The following PLEKHG3 variants were observed in gnomAD, a reference collection of about 807,000 sequenced individuals.
The protein encoded by PLEKHG3 is pleckstrin homology and RhoGEF domain containing G3, also known as pleckstrin homology domain-containing family G member 3.
A neutral mutation model predicts 94.9 loss-of-function variants in PLEKHG3; 62 were observed. The observed-to-expected ratio is 0.65, with a 90% CI of 0.53 to 0.81. PLEKHG3 has a LOEUF of 0.81. Ranked by LOEUF, PLEKHG3 falls within the 30% of genes least tolerant of loss-of-function variation. The pLI is 0.00. For synonymous variants in PLEKHG3, 614 were observed against 654.0 expected (o/e 0.94, Z 0.93); for missense variants, 1,461 against 1,619.3 (o/e 0.90, Z 1.68).
rs966176262 is a variant in PLEKHG3 at position 64,708,138 on chromosome 14, G to A, written c.-40+3434G>A. ...TGGCAAAAACTTTCTGGTTAGGGAG[G>A]CTTTCCTGCCCTACCCTAGATTGCA... On this transcript the variant is annotated intron_variant, in intron 1 of 16. Transcript: ENST00000247226. 7.2e-5 allele frequency among the ~76,000 whole-genome samples: 11 copies of A among 152,310 alleles called. No individual in the cohort carries two copies. In the East Asian group the frequency reaches 2.1e-3, roughly 29 times the overall value.
chr14:64,708,625 A>C (rs1021837254), intron 1 of PLEKHG3, among the ~76,000 whole-genome samples: 1 of 152,130 alleles, frequency 6.6e-6, no homozygotes, highest in Non-Finnish European at 1.5e-5. Flanking sequence ...GCTTCTACCC[A>C]GCTGATCTGC....
Position 64,728,853 on chromosome 14 carries a change from A to AG in PLEKHG3, c.352-143_352-142insG. 2.0e-6 allele frequency: 1 copy of AG among 510,586 alleles called. No individual in the cohort carries two copies. The highest frequency in any genetic ancestry group is 3.5e-6 in the Non-Finnish European group (1 of 285,570). The allele number at this position is 510,586 out of a possible 1,614,324, so 31.6% of individuals were successfully genotyped here. A position where few individuals can be genotyped will look rare whatever the true frequency, so the allele number is the denominator to read the frequency against. On this transcript the variant is annotated intron_variant, in intron 2 of 16. Coordinates refer to ENST00000247226, the MANE Select transcript of PLEKHG3 (RefSeq NM_001308147.2). This position sits in a 1 kb window ranked among gnomAD's most constrained non-coding sequence, Gnocchi z 5.9. ...TCACATTCTGGGGTTCCAAGTGGAC[A>AG]TGAATTTTGGGGTGGACACTGTCTC...
At chr14:64,742,513 A>G (rs546530048) in intron 16 of PLEKHG3, 58 bp downstream of exon 16, 21 of 1,319,002 alleles carry the variant, frequency 1.6e-5, no homozygotes, top group Non-Finnish European at 2.1e-5. Flanking sequence ...AGAGTCAATA[A>G]GGAGCCACTT....
In PLEKHG3 at chr14:64,717,192, T is replaced by C. The variant is rs559962860; in HGVS notation, c.-39-10401T>C. ...TTGGAAAATCCACTTTCCTAACTTC[T>C]CTGGGTCAGGCACCAAGCCCAAGGT... On this transcript the variant is annotated intron_variant, in intron 1 of 16. Transcript: ENST00000247226. The surrounding 1 kb of genome is among the most constrained non-coding windows in gnomAD (Gnocchi z 4.7). Among the ~76,000 whole-genome samples the C allele has an allele frequency of 1.3e-5, 2 of 152,130 alleles. No individual in the cohort carries two copies. The highest frequency in any genetic ancestry group is 3.9e-4 in the East Asian group (2 of 5,172).
In PLEKHG3 at chr14:64,731,768, A is replaced by T; in HGVS notation, c.1087A>T (p.Thr363Ser). Residue 363 changes from threonine (T) to serine (S), a missense_variant, in exon 9 of 17, where the codon ACC becomes TCC. Physicochemically the swap from Thr to Ser is moderately conservative, Grantham distance 58. Coordinates refer to ENST00000247226, the MANE Select transcript of PLEKHG3 (RefSeq NM_001308147.2). This position sits in a 1 kb window ranked among gnomAD's most constrained non-coding sequence, Gnocchi z 6.1. ...CAGAGACTCCCTGTGCTTCACTGTC[A>T]CCCACTACAAGCACAGCAAGCAGCA... The part of the protein sequence containing the change: ...STRDSLCFTV[T>S]HYKHSKQQYS... 1 of 1,613,540 alleles carries T rather than the reference A, an allele frequency of 6.2e-7. No homozygotes were observed. Among genetic ancestry groups the T allele is most frequent in the Non-Finnish European group, 8.5e-7 (1 of 1,179,750 alleles).
chr14:64,730,750 C>T lies in PLEKHG3; in HGVS notation c.567-49C>T, dbSNP rs779965780. 2 of 1,612,540 alleles carry T rather than the reference C, an allele frequency of 1.2e-6. No individual in the cohort carries two copies. Among genetic ancestry groups the T allele is most frequent in the African/African-American group, 1.3e-5 (1 of 74,894 alleles). ...TGGTGAGTCCAGAGCCCCCCACTTC[C>T]TCATCCAGGCCTTCCCCAGGTGGTG... is the stretch of plus-strand genomic sequence containing the variant. On this transcript the variant is annotated intron_variant, in intron 5 of 16. Coordinates refer to ENST00000247226, the MANE Select transcript of PLEKHG3 (RefSeq NM_001308147.2). This position sits in a 1 kb window ranked among gnomAD's most constrained non-coding sequence, Gnocchi z 5.4.
chr14:64,740,811 T>G (rs1224511060), intron 15 of PLEKHG3, among the ~76,000 whole-genome samples: 1 of 152,242 alleles, frequency 6.6e-6, no homozygotes, highest in Admixed American at 6.5e-5. Context: ...TCCTTGGTTT[T>G]GAGGACATGG....
Position 64,723,486 on chromosome 14 carries a change from C to T in PLEKHG3, c.-39-4107C>T, listed in dbSNP as rs974307038. ...CAAAGAAGGTTTCACAAGTATAGGA[C>T]TTGAGAAAGAGTTTTCTTTTTTCTT... On this transcript the variant is annotated intron_variant, in intron 1 of 16. Coordinates refer to ENST00000247226, the MANE Select transcript of PLEKHG3 (RefSeq NM_001308147.2). This position sits in a 1 kb window ranked among gnomAD's most constrained non-coding sequence, Gnocchi z 4.5. Among the ~76,000 whole-genome samples the T allele has an allele frequency of 5.4e-5, 8 of 147,852 alleles. No homozygotes were observed. Among genetic ancestry groups the T allele is most frequent in the Admixed American group, 1.3e-4 (2 of 15,076 alleles).
At position 64,732,726 on chromosome 14, in the gene PLEKHG3, C is replaced by A; in HGVS notation, c.1247-77C>A. Reference sequence around the variant, plus strand: ...GAGCTGGGTGGGTATAGAGGTCTGGCTGGTTATGGACAGGGTCTAGGGTAG... The same window carrying A: ...GAGCTGGGTGGGTATAGAGGTCTGGATGGTTATGGACAGGGTCTAGGGTAG... On this transcript the variant is annotated intron_variant, in intron 11 of 16. Transcript: ENST00000247226. The surrounding 1 kb of genome is among the most constrained non-coding windows in gnomAD (Gnocchi z 4.9). 5 of 1,127,914 alleles carry A rather than the reference C, an allele frequency of 4.4e-6. No homozygotes were observed. The highest frequency in any genetic ancestry group is 2.5e-5 in the East Asian group (1 of 39,306). The allele number at this position is 1,127,914 out of a possible 1,614,324, so 69.9% of individuals were successfully genotyped here. A position where few individuals can be genotyped will look rare whatever the true frequency, so the allele number is the denominator to read the frequency against.
rs1203788323 is a variant in PLEKHG3 at position 64,717,029 on chromosome 14, G to C, written c.-39-10564G>C. Among the ~76,000 whole-genome samples the C allele has an allele frequency of 6.6e-6, 1 of 152,204 alleles. No homozygotes were observed. The highest frequency in any genetic ancestry group is 1.5e-5 in the Non-Finnish European group (1 of 68,040). Reference sequence around the variant, plus strand: ...GATGGGGGAAGGAGCTATGGGTAGAGAGGGGCCCCCTGGGCCCTGTAGGAT... The same window carrying C: ...GATGGGGGAAGGAGCTATGGGTAGACAGGGGCCCCCTGGGCCCTGTAGGAT... On this transcript the variant is annotated intron_variant, in intron 1 of 16. Coordinates refer to ENST00000247226, the MANE Select transcript of PLEKHG3 (RefSeq NM_001308147.2). The surrounding 1 kb of genome is among the most constrained non-coding windows in gnomAD (Gnocchi z 4.7).
In PLEKHG3 at chr14:64,716,163, C is replaced by T. The variant is rs2081141752; in HGVS notation, c.-39-11430C>T. Reference sequence around the variant, plus strand: ...GATGGGGACTCTTTCAACTCCGGGCCTCTAAGCCTTGCCGGACTTCCCCCA... The same window carrying T: ...GATGGGGACTCTTTCAACTCCGGGCTTCTAAGCCTTGCCGGACTTCCCCCA... On this transcript the variant is annotated intron_variant, in intron 1 of 16. Coordinates refer to ENST00000247226, the MANE Select transcript of PLEKHG3 (RefSeq NM_001308147.2). The surrounding 1 kb of genome is among the most constrained non-coding windows in gnomAD (Gnocchi z 5.0). 1 of 405,316 alleles carries T rather than the reference C, an allele frequency of 2.5e-6. No individual in the cohort carries two copies. The highest frequency in any genetic ancestry group is 5.0e-6 in the Non-Finnish European group (1 of 201,034). The allele number at this position is 405,316 out of a possible 1,614,324, so 25.1% of individuals were successfully genotyped here. A position where few individuals can be genotyped will look rare whatever the true frequency, so the allele number is the denominator to read the frequency against.
At chr14:64,711,782 C>T (rs1268290801) in intron 1 of PLEKHG3, among the ~76,000 whole-genome samples, 1 of 152,142 alleles carries the variant, frequency 6.6e-6, no homozygotes, top group Admixed American at 6.5e-5. Flanking sequence ...TTTTCCCATT[C>T]TGTGATTTGT....
Position 64,718,675 on chromosome 14 carries a change from G to A in PLEKHG3, c.-39-8918G>A, listed in dbSNP as rs2081211589. ...AGGGTAGTTTGGAGGAGTGCTGGCT[G>A]TAGTCCCTGGGCTCTTTCATACACA... On this transcript the variant is annotated intron_variant, in intron 1 of 16. Transcript: ENST00000247226. The surrounding 1 kb of genome is among the most constrained non-coding windows in gnomAD (Gnocchi z 5.0). 6.6e-6 allele frequency among the ~76,000 whole-genome samples: 1 copy of A among 152,192 alleles called. No homozygotes were observed. The highest frequency in any genetic ancestry group is 2.1e-4 in the South Asian group (1 of 4,832).
In PLEKHG3 at chr14:64,747,141, G is replaced by T. The variant is rs1178282786; in HGVS notation, c.*3438G>T. On this transcript the variant is annotated 3_prime_UTR_variant, in exon 17 of 17. Coordinates refer to ENST00000247226, the MANE Select transcript of PLEKHG3 (RefSeq NM_001308147.2). ...TTCCACTAGAGCCCTTCCTTTCTCG[G>T]GTCTGTGGAGTTGCTTGCTGGAAAT... 1 of 152,556 alleles carries T rather than the reference G, an allele frequency of 6.6e-6. No homozygotes were observed. The highest frequency in any genetic ancestry group is 2.4e-5 in the African/African-American group (1 of 41,456). The allele number at this position is 152,556 out of a possible 1,614,324, so 9.5% of individuals were successfully genotyped here. A position where few individuals can be genotyped will look rare whatever the true frequency, so the allele number is the denominator to read the frequency against.
At position 64,709,867 on chromosome 14, in the gene PLEKHG3, GT is replaced by G. The variant is rs200295564; in HGVS notation, c.-40+5165del. On this transcript the variant is annotated intron_variant, in intron 1 of 16. Coordinates refer to ENST00000247226, the MANE Select transcript of PLEKHG3 (RefSeq NM_001308147.2). The stretch of plus-strand genomic sequence containing the variant: ...TACAGTAGGATTCCAATAAGTATTT[GT>G]TGAATAAGTAAGTAAAACCCTACTG... Among the ~76,000 whole-genome samples, 40 of 152,092 alleles carry G rather than the reference GT, an allele frequency of 2.6e-4. 1 individual carries two copies. In the East Asian group the frequency reaches 6.0e-3, roughly 23 times the overall value.
Position 64,743,254 on chromosome 14 carries a change from C to T in PLEKHG3, c.3211C>T (p.Pro1071Ser). Residue 1071 changes from proline to serine, a missense_variant, in exon 17 of 17, where the codon CCC becomes TCC. By Grantham distance (74) the Pro-to-Ser change is moderately conservative. Coordinates refer to ENST00000247226, the MANE Select transcript of PLEKHG3 (RefSeq NM_001308147.2). This position sits in a 1 kb window ranked among gnomAD's most constrained non-coding sequence, Gnocchi z 7.2. ...GGCACGCCGAGCAGGGGGCGGCCGG[C>T]CCCGCGGCCCACCCGTCAACAGGAG... is the stretch of plus-strand genomic sequence containing the variant. Reference protein sequence around the residue: ...DEARRAGGGRPRGPPVNRSHS... With the variant: ...DEARRAGGGRSRGPPVNRSHS... The T allele has an allele frequency of 3.7e-6, 6 of 1,606,042 alleles. No individual in the cohort carries two copies. The highest frequency in any genetic ancestry group is 5.1e-6 in the Non-Finnish European group (6 of 1,178,520).
At position 64,732,572 on chromosome 14, in the gene PLEKHG3, G is replaced by C; in HGVS notation, c.1246+112G>C. On this transcript the variant is annotated intron_variant, in intron 11 of 16. Transcript: ENST00000247226. The surrounding 1 kb of genome is among the most constrained non-coding windows in gnomAD (Gnocchi z 4.9). ...TTTTATTCCAGGAGCAGGGAGGGCGGGGGTCTCCTGTTAAGGGCTGGGGGG... is the reference window on the plus strand; with the variant it reads ...TTTTATTCCAGGAGCAGGGAGGGCGCGGGTCTCCTGTTAAGGGCTGGGGGG... The C allele has an allele frequency of 1.0e-6, 1 of 986,960 alleles. No homozygotes were observed. The highest frequency in any genetic ancestry group is 2.4e-5 in the East Asian group (1 of 42,088). The allele number at this position is 986,960 out of a possible 1,614,324, so 61.1% of individuals were successfully genotyped here.
rs779206144 is a variant in PLEKHG3, at chr14:64,731,183, G to A, written c.849+14G>A. 6.2e-7 allele frequency: 1 copy of A among 1,602,182 alleles called. No homozygotes were observed. The highest frequency in any genetic ancestry group is 1.1e-5 in the South Asian group (1 of 90,164). The stretch of plus-strand genomic sequence containing the variant: ...GTCCGGCTCCAGGTGCTCTGGGGCT[G>A]GGACGCTGGGGGAGGGGCAGGGCTG... On this transcript the variant is annotated intron_variant, in intron 7 of 16. Coordinates refer to ENST00000247226, the MANE Select transcript of PLEKHG3 (RefSeq NM_001308147.2). The surrounding 1 kb of genome is among the most constrained non-coding windows in gnomAD (Gnocchi z 6.1).
At position 64,738,293 on chromosome 14, in the gene PLEKHG3, C is replaced by T; in HGVS notation, c.1405-449C>T. 9.9e-7 allele frequency: 1 copy of T among 1,014,086 alleles called. No homozygotes were observed. The highest frequency in any genetic ancestry group is 1.3e-6 in the Non-Finnish European group (1 of 747,968). The allele number at this position is 1,014,086 out of a possible 1,614,324, so 62.8% of individuals were successfully genotyped here. A position where few individuals can be genotyped will look rare whatever the true frequency, so the allele number is the denominator to read the frequency against. On this transcript the variant is annotated intron_variant, in intron 14 of 16. Coordinates refer to ENST00000247226, the MANE Select transcript of PLEKHG3 (RefSeq NM_001308147.2). This position sits in a 1 kb window ranked among gnomAD's most constrained non-coding sequence, Gnocchi z 4.8. ...GGGATGTGCATGCCCACCCGAGGGC[C>T]CCCTCTGCTGCCCTCCTCACCCCAC...
Sources: gnomAD v4.1 joint callset for allele counts (sites outside exome capture counted in the v4.1 genomes callset) on GRCh38, gnomAD v4.1.1 for gene constraint, Gnocchi (gnomAD v3.1) non-coding constraint, MANE v1.5 for transcripts, NCBI Gene and HGNC (gene_info 2026-07-23, HGNC 2026-07-21) for gene names.